The following NLGN1 variants were observed in gnomAD, a reference collection of about 807,000 sequenced individuals.
NLGN1 encodes neuroligin-1.
NLGN1 carries 12 observed loss-of-function variants against 65.5 expected under a neutral mutation model. That is an observed-to-expected ratio of 0.18 (90% CI 0.12 to 0.30). NLGN1 has a LOEUF of 0.30. Ranked by LOEUF, NLGN1 falls within the 10% of genes least tolerant of loss-of-function variation. The pLI, the probability that NLGN1 is intolerant of heterozygous loss-of-function variation, is 1.00. For missense variants in NLGN1, 750 were observed against 1,007.1 expected, an observed-to-expected ratio of 0.74 and a Z score of 3.46; for synonymous variants, 350 against 359.5, an observed-to-expected ratio of 0.97 and a Z score of 0.30.
chr3:173,768,154 A>C (rs1030720975), intron 3 of NLGN1, among the ~76,000 whole-genome samples: 2 of 152,194 alleles, frequency 1.3e-5, no homozygotes, highest in African/African-American at 4.8e-5. Flanking sequence ...ACCAATATAT[A>C]TTATAAAATA....
intron 4 of NLGN1, among the ~76,000 whole-genome samples, chr3:174,266,758 C>G (rs1343612788): frequency 1.3e-5 from 2 of 152,122 alleles, no homozygotes; most frequent in Non-Finnish European, 1.5e-5. Context: ...TTTGCCAACT[C>G]TTTTCCATGG....
At chr3:173,922,817 CTGACATAGCAGGTAGA>C (rs1223340241) in intron 4 of NLGN1, among the ~76,000 whole-genome samples, 4 of 152,152 alleles carry the variant, frequency 2.6e-5, no homozygotes, top group South Asian at 4.1e-4. Context: ...GTTAGGTGAA[CTGACATAGCAGGTAGA>C]CTGCTTGGGG....
At chr3:173,665,996 A>G (rs563193404) in intron 3 of NLGN1, among the ~76,000 whole-genome samples, 4 of 152,244 alleles carry the variant, frequency 2.6e-5, no homozygotes, top group Admixed American at 6.5e-5. Context: ...GAAAATGGCT[A>G]TTCATCCTTG....
chr3:174,209,623 C>CTTTCTTTTTTT (rs1736063402), intron 4 of NLGN1, among the ~76,000 whole-genome samples: 1 of 82,072 alleles, frequency 1.2e-5, no homozygotes, highest in African/African-American at 4.9e-5. Flanking sequence ...ACCTTTCTTT[C>CTTTCTTTTTTT]TTTTTTTTTT....
intron 4 of NLGN1, among the ~76,000 whole-genome samples, chr3:173,992,905 C>T (rs59489841): frequency 0.32 from 48,335 of 152,048 alleles, 8,847 homozygotes; most frequent in African/African-American, 0.5. Context: ...TCTTAGTCTA[C>T]TTTTTTTCTC....
intron 2 of NLGN1, among the ~76,000 whole-genome samples, chr3:173,449,999 G>A (rs1343800531): frequency 1.3e-5 from 2 of 152,124 alleles, no homozygotes; most frequent in Non-Finnish European, 2.9e-5. Context: ...ACACAGATGG[G>A]TGTTGACTCT....
intron 4 of NLGN1, among the ~76,000 whole-genome samples, chr3:173,821,921 A>C (rs1720388344): frequency 6.6e-6 from 1 of 152,208 alleles, no homozygotes; most frequent in Admixed American, 6.5e-5. Flanking sequence ...GTTGAGATAT[A>C]CATAATAAAT....
In NLGN1 at chr3:173,630,164, A is replaced by G. The variant is rs16828756; in HGVS notation, c.493+25073A>G. Reference sequence around the variant, plus strand: ...GTAAGCTATTTTAGAAGTTATTACCAAGTCTACACAACAAGGAGAAAAGAG... The same window carrying G: ...GTAAGCTATTTTAGAAGTTATTACCGAGTCTACACAACAAGGAGAAAAGAG... On this transcript the variant is annotated intron_variant, in intron 3 of 6. Coordinates refer to ENST00000457714, the Ensembl canonical transcript of NLGN1. Among the ~76,000 whole-genome samples, 959 of 152,260 alleles carry G rather than the reference A, an allele frequency of 6.3e-3. 13 individuals are homozygous for G. The highest frequency in any genetic ancestry group is 0.022 in the African/African-American group (913 of 41,556).
chr3:173,673,483 G>A (rs1762724326), intron 3 of NLGN1, among the ~76,000 whole-genome samples: 1 of 152,076 alleles, frequency 6.6e-6, no homozygotes, highest in Non-Finnish European at 1.5e-5. Flanking sequence ...ACACTGGTCT[G>A]GTTTGCAAGG....
Position 174,258,821 on chromosome 3 carries a change from T to A in NLGN1, c.647-16494T>A, listed in dbSNP as rs549075195. Among the ~76,000 whole-genome samples the A allele has an allele frequency of 4.6e-5, 7 of 151,962 alleles. No individual in the cohort carries two copies. In the East Asian group the frequency reaches 1.4e-3, roughly 29 times the overall value. ...AGAAAACTAAATTCAACATGTGAGT[T>A]CAGGTTTGATAGGAGAGGGAGAGAA... On this transcript the variant is annotated intron_variant, in intron 4 of 6. Transcript: ENST00000457714.
chr3:174,291,858 A>G, the NLGN1 span, among the ~76,000 whole-genome samples: 86 of 151,368 alleles, frequency 5.7e-4, no homozygotes, highest in African/African-American at 2.0e-3. Context: ...GGTGGAGTAC[A>G]GTATAAACTT....
At chr3:174,104,265 G>A (rs1713216936) in intron 4 of NLGN1, among the ~76,000 whole-genome samples, 1 of 152,016 alleles carries the variant, frequency 6.6e-6, no homozygotes, top group Non-Finnish European at 1.5e-5. Flanking sequence ...AAATTGACTT[G>A]TGAGCTTTAA....
intron 4 of NLGN1, among the ~76,000 whole-genome samples, chr3:173,843,042 TCTTGA>T (rs1413531559): frequency 6.6e-6 from 1 of 152,198 alleles, no homozygotes; most frequent in Admixed American, 6.5e-5. Context: ...AAACCCCAAA[TCTTGA>T]CTTCTGTGAA....
Position 174,275,173 on chromosome 3 carries a change from T to TTTG in NLGN1, c.647-139_647-137dup, listed in dbSNP as rs1266549291. 5 of 628,032 alleles carry TTTG rather than the reference T, an allele frequency of 8.0e-6. No individual in the cohort carries two copies. In the East Asian group the frequency reaches 8.2e-5, roughly 10 times the overall value. 38.9% of individuals were successfully genotyped at this position (628,032 alleles called of 1,614,324 possible). ...AACTATTCTTGCTAAAGTAAATTCT[T>TTTG]TTGTTATAGTGGAAAATAATTTTTA... On this transcript the variant is annotated intron_variant, in intron 4 of 6. Coordinates refer to ENST00000457714, the Ensembl canonical transcript of NLGN1.
chr3:174,284,112 G>A (rs931408790), exon 7 of NLGN1: 1 of 151,150 alleles, frequency 6.6e-6, no homozygotes, highest in Non-Finnish European at 1.5e-5. Flanking sequence ...AAATGATTGA[G>A]GAAAACAAAG....
chr3:174,097,318 A>T (rs893352277), intron 4 of NLGN1, among the ~76,000 whole-genome samples: 1 of 152,186 alleles, frequency 6.6e-6, no homozygotes, highest in African/African-American at 2.4e-5. Flanking sequence ...CTTCAGGGCA[A>T]TAATTAGTGA....
intron 1 of NLGN1, among the ~76,000 whole-genome samples, chr3:173,405,092 G>T (rs1009213384): frequency 6.6e-6 from 1 of 152,026 alleles, no homozygotes; most frequent in Non-Finnish European, 1.5e-5. Context: ...AACCTCTTCT[G>T]AATCATTTTT....
intron 4 of NLGN1, among the ~76,000 whole-genome samples, chr3:174,006,806 T>C (rs895871090): frequency 3.3e-5 from 5 of 152,092 alleles, no homozygotes. Flanking sequence ...TGGGGGCTCC[T>C]GCTTGTAACC....
intron 3 of NLGN1, among the ~76,000 whole-genome samples, chr3:173,674,025 A>G (rs1762803660): frequency 6.6e-6 from 1 of 152,088 alleles, no homozygotes; most frequent in African/African-American, 2.4e-5. Flanking sequence ...CCTACACTCT[A>G]TGGAGAGGAT....
Sources: gnomAD v4.1 joint callset for allele counts (sites outside exome capture counted in the v4.1 genomes callset) on GRCh38, gnomAD v4.1.1 for gene constraint, MANE v1.5 for transcripts, NCBI Gene and HGNC (gene_info 2026-07-23, HGNC 2026-07-21) for gene names.